Variants in PSMA1 observed in about 807,000 individuals in gnomAD.
The protein encoded by PSMA1 is proteasome subunit alpha type-1.
In PSMA1, 3 loss-of-function variants were observed where a neutral mutation model predicts 38.4. The ratio of observed to expected loss-of-function variants is 0.08; its 90% CI spans 0.04 to 0.20. PSMA1 has a LOEUF of 0.20. Among genes scored for constraint, PSMA1 ranks in the 10% least tolerant of loss-of-function variants. The pLI is 1.00. For synonymous variants in PSMA1, 101 were observed against 107.1 expected (o/e 0.94, Z 0.35); for missense variants, 227 against 325.3 (o/e 0.70, Z 2.32).
intron 2 of PSMA1, among the ~76,000 whole-genome samples, chr11:14,569,833 C>T (rs1852116978): frequency 6.6e-6 from 1 of 152,236 alleles, no homozygotes; most frequent in Admixed American, 6.5e-5. Context: ...ACTTAAACAT[C>T]CCTGTCTGAC....
At chr11:14,616,361 A>T (rs1713217645) in intron 1 of PSMA1, among the ~76,000 whole-genome samples, 1 of 151,138 alleles carries the variant, frequency 6.6e-6, no homozygotes, top group South Asian at 2.1e-4. Flanking sequence ...GCCTCTGAGT[A>T]GCTGTGATTA....
intron 2 of PSMA1, among the ~76,000 whole-genome samples, chr11:14,564,107 C>G (rs1295998923): frequency 1.3e-5 from 2 of 152,124 alleles, no homozygotes; most frequent in Admixed American, 1.3e-4. Flanking sequence ...AATACAGAAC[C>G]ACAACCAGCA....
intron 7 of PSMA1, among the ~76,000 whole-genome samples, chr11:14,512,094 G>A (rs530649474): frequency 9.2e-5 from 14 of 152,230 alleles, no homozygotes; most frequent in Non-Finnish European, 1.6e-4. Flanking sequence ...TAAATACCTG[G>A]TTGGGTGTGG....
chr11:14,578,933 G>T (rs1852250409), intron 2 of PSMA1, among the ~76,000 whole-genome samples: 1 of 152,214 alleles, frequency 6.6e-6, no homozygotes, highest in South Asian at 2.1e-4. Flanking sequence ...CCAGTTGTCT[G>T]CTGGGTAGTT....
chr11:14,564,204 C>T (rs554694582), intron 2 of PSMA1, among the ~76,000 whole-genome samples: 1 of 152,144 alleles, frequency 6.6e-6, no homozygotes, highest in Non-Finnish European at 1.5e-5. Flanking sequence ...TCCTACCCCC[C>T]CACCCCACCT....
intron 1 of PSMA1, among the ~76,000 whole-genome samples, chr11:14,616,423 A>G (rs1852774523): frequency 6.6e-6 from 1 of 151,750 alleles, no homozygotes; most frequent in East Asian, 1.9e-4. Context: ...GTAGGGATGG[A>G]GGTCTCACCA....
chr11:14,551,026 A>C (rs1851878787), intron 2 of PSMA1, among the ~76,000 whole-genome samples: 1 of 152,210 alleles, frequency 6.6e-6, no homozygotes, highest in Admixed American at 6.5e-5. Flanking sequence ...CACACAGCAC[A>C]GTGCATGAAC....
At chr11:14,594,757 A>G (rs941665141) in intron 2 of PSMA1, among the ~76,000 whole-genome samples, 9 of 152,006 alleles carry the variant, frequency 5.9e-5, no homozygotes, top group African/African-American at 2.2e-4. Flanking sequence ...AAAAATGCAT[A>G]ACGTTTCTTT....
chr11:14,583,404 G>A (rs766163786), intron 2 of PSMA1, among the ~76,000 whole-genome samples: 14 of 152,158 alleles, frequency 9.2e-5, no homozygotes, highest in Non-Finnish European at 2.1e-4. Flanking sequence ...AGATGCAGAC[G>A]AGTGCCTTCA....
At chr11:14,554,796 A>G (rs959398514) in intron 2 of PSMA1, among the ~76,000 whole-genome samples, 1 of 152,140 alleles carries the variant, frequency 6.6e-6, no homozygotes, top group Non-Finnish European at 1.5e-5. Flanking sequence ...TGTTCTAAGT[A>G]CTTCACATGC....
chr11:14,614,759 A>G (rs554693123), intron 1 of PSMA1, among the ~76,000 whole-genome samples: 1 of 152,268 alleles, frequency 6.6e-6, no homozygotes, highest in East Asian at 1.9e-4. Context: ...TATCACTGCC[A>G]CTGCTTTAGT....
intron 2 of PSMA1, among the ~76,000 whole-genome samples, chr11:14,564,288 G>T (rs1852043580): frequency 6.6e-6 from 1 of 152,040 alleles, no homozygotes; most frequent in South Asian, 2.1e-4. Context: ...TTCAAAAATG[G>T]AATCACACAA....
chr11:14,569,956 C>A (rs1757096995), intron 2 of PSMA1, among the ~76,000 whole-genome samples: 1 of 152,236 alleles, frequency 6.6e-6, no homozygotes, highest in Non-Finnish European at 1.5e-5. Flanking sequence ...GGAGACAACT[C>A]CCAGTAGGGG....
chr11:14,611,032 G>A, exon 2 of PSMA1: 1 of 1,588,712 alleles, frequency 6.3e-7, no homozygotes, highest in South Asian at 1.1e-5. Context: ...ATACAACATA[G>A]GTCTGGATTT....
chr11:14,624,506 C>T (rs1321276039), intron 1 of PSMA1, among the ~76,000 whole-genome samples: 1 of 152,142 alleles, frequency 6.6e-6, no homozygotes, highest in Non-Finnish European at 1.5e-5. Flanking sequence ...TTGGGCTCCC[C>T]ATATGTGCAA....
At chr11:14,551,910 CCT>C (rs1310420282) in intron 2 of PSMA1, among the ~76,000 whole-genome samples, 1 of 152,050 alleles carries the variant, frequency 6.6e-6, no homozygotes, top group Non-Finnish European at 1.5e-5. Flanking sequence ...TTTATTTTAT[CCT>C]CTCTATATTT....
chr11:14,522,010 GCTAA>G (rs1416382024), upstream of PSMA1, among the ~76,000 whole-genome samples: 4 of 152,134 alleles, frequency 2.6e-5, no homozygotes, highest in African/African-American at 7.2e-5. Context: ...TATAAATAGT[GCTAA>G]CTGATTAAAT....
Position 14,513,375 on chromosome 11 carries a change from G to T in PSMA1, c.544+195C>A, listed in dbSNP as rs1404065028. On this transcript the variant is annotated intron_variant, in intron 7 of 9. Transcript: ENST00000396394. ...TTTTGAAAAAGTTCTACTCGTGCTT[G>T]AAACTACTGTGGTAACCAGAAGTTA... The T allele has an allele frequency of 1.1e-5, 6 of 536,642 alleles. 1 individual carries two copies. The highest frequency in any genetic ancestry group is 1.4e-5 in the Non-Finnish European group (5 of 353,856). 33.2% of individuals were successfully genotyped at this position (536,642 alleles called of 1,614,324 possible).
At chr11:14,589,130 C>A (rs922460070) in intron 2 of PSMA1, among the ~76,000 whole-genome samples, 1 of 152,164 alleles carries the variant, frequency 6.6e-6, no homozygotes, top group Admixed American at 6.6e-5. Flanking sequence ...TATTTCCTCA[C>A]CTCCTTCAGG....
Sources: allele counts gnomAD v4.1 joint callset (sites outside exome capture counted in the v4.1 genomes callset), GRCh38; gene constraint gnomAD v4.1.1; transcripts MANE v1.5; gene names NCBI Gene and HGNC (gene_info 2026-07-23, HGNC 2026-07-21).